Variants in RPAIN observed in about 807,000 individuals in gnomAD.
The protein encoded by RPAIN is RPA interacting protein.
RPAIN carries 29 observed loss-of-function variants against 30.5 expected under a neutral mutation model. That is an observed-to-expected ratio of 0.95 (90% CI 0.71 to 1.30). The LOEUF (loss-of-function observed/expected upper bound fraction) is 1.30, where lower values mean the gene tolerates loss of function less well. Among genes scored for constraint, RPAIN ranks in the 50% most tolerant of loss-of-function variants. RPAIN has a pLI of 0.00. For missense variants in RPAIN, 247 were observed against 264.7 expected (o/e 0.93, Z 0.46); for synonymous variants, 101 against 93.5 (o/e 1.08, Z -0.46).
chr17:5,420,443 A>T (rs1393003905), intron 1 of RPAIN, 152 bp downstream of exon 1: 2 of 644,840 alleles, frequency 3.1e-6, no homozygotes, highest in Non-Finnish European at 5.3e-6. Flanking sequence ...GTGTGGGATT[A>T]GCCCGGGTCG....
At chr17:5,427,985 T>G in intron 5 of RPAIN, 86 bp from the exon 6 acceptor site, 5 of 1,320,432 alleles carry the variant, frequency 3.8e-6, no homozygotes, top group Non-Finnish European at 5.5e-6. Flanking sequence ...TGAGCCACGG[T>G]TATATTGGTT....
intron 1 of RPAIN, 68 bp from the exon 2 acceptor site, chr17:5,421,228 A>G (rs1914769204): frequency 6.8e-7 from 1 of 1,470,916 alleles, no homozygotes; most frequent in Non-Finnish European, 9.2e-7. Flanking sequence ...TTCTCAACTA[A>G]TGTAAGAGTG....
At chr17:5,429,813 A>G (rs1915732035) in intron 6 of RPAIN, 5 of 955,512 alleles carry the variant, frequency 5.2e-6, no homozygotes, top group Non-Finnish European at 6.2e-6. Flanking sequence ...CATTTGCACA[A>G]ATATTTACCA....
At chr17:5,422,744 C>T in intron 2 of RPAIN, 25 bp from the exon 3 acceptor site, 1 of 1,610,542 alleles carries the variant, frequency 6.2e-7, no homozygotes, top group Non-Finnish European at 8.5e-7. Context: ...CTTCAAACTT[C>T]TGATGCCGCT....
intron 5 of RPAIN, 121 bp downstream of exon 5, chr17:5,426,420 G>C: frequency 1.1e-6 from 1 of 885,266 alleles, no homozygotes; most frequent in Non-Finnish European, 1.9e-6. Flanking sequence ...TATGTTCAGT[G>C]GTGTCACATT....
chr17:5,431,885 A>G lies in RPAIN; in HGVS notation c.631-657A>G, dbSNP rs910526716. On this transcript the variant is annotated intron_variant, in intron 6 of 6. Transcript: ENST00000381209. ...AAACAAGAGTAACCCACTTATGCCT[A>G]CTGTTTAATTATTGGAACGCTAAGC... 6.5e-5 allele frequency: 21 copies of G among 324,876 alleles called. No homozygotes were observed. The Admixed American group carries it at 8.9e-4, about 14-fold the overall frequency. The allele number at this position is 324,876 out of a possible 1,614,324, so 20.1% of individuals were successfully genotyped here.
intron 3 of RPAIN, among the ~76,000 whole-genome samples, chr17:5,424,819 C>A (rs1397368384): frequency 1.3e-5 from 2 of 152,294 alleles, no homozygotes; most frequent in East Asian, 3.9e-4. Flanking sequence ...CTGTAAATTC[C>A]TTAAGTTATC....
chr17:5,426,824 A>G (rs1006062853), intron 5 of RPAIN: 1 of 149,972 alleles, frequency 6.7e-6, no homozygotes, highest in Admixed American at 6.7e-5. Flanking sequence ...TTTTATTTTT[A>G]GTAGAGATGG....
chr17:5,428,336 T>C (rs1456693566), intron 6 of RPAIN, 125 bp downstream of exon 6: 11 of 1,547,964 alleles, frequency 7.1e-6, no homozygotes, highest in African/African-American at 1.4e-5. Flanking sequence ...CTGAGGAATT[T>C]ACCTGCATAG....
rs567133888 is a variant in RPAIN at position 5,424,960 on chromosome 17, TTGTGC to T, written c.314-1007_314-1003del. Among the ~76,000 whole-genome samples, 15 of 152,372 alleles carry T rather than the reference TTGTGC, an allele frequency of 9.8e-5. No homozygotes were observed. In the South Asian group the frequency reaches 2.9e-3, roughly 29 times the overall value. On this transcript the variant is annotated intron_variant, in intron 3 of 6. Coordinates refer to ENST00000381209, the MANE Select transcript of RPAIN (RefSeq NM_001033002.4). Reference sequence around the variant, plus strand: ...TCTGAAGTGACAAGGATTTACTGTGTTGTGCTGTACTCAGCCATAAGGAACATTCT... The same window carrying T: ...TCTGAAGTGACAAGGATTTACTGTGTTGTACTCAGCCATAAGGAACATTCT...
intron 6 of RPAIN, chr17:5,431,664 C>T: frequency 2.2e-6 from 1 of 456,282 alleles, no homozygotes; most frequent in South Asian, 1.6e-5. Flanking sequence ...TAGGGACGCT[C>T]AGGACAGATG....
intron 6 of RPAIN, chr17:5,432,314 C>T: frequency 2.0e-6 from 1 of 504,888 alleles, no homozygotes; most frequent in Non-Finnish European, 3.5e-6. Flanking sequence ...AGCTTGAAGA[C>T]TATTGATGCT....
At position 5,432,636 on chromosome 17, in the gene RPAIN, T is replaced by G; in HGVS notation, c.*65T>G. On this transcript the variant is annotated 3_prime_UTR_variant, in exon 7 of 7. Coordinates refer to ENST00000381209, the MANE Select transcript of RPAIN (RefSeq NM_001033002.4). ...AACTCATTCCCTCTGAGGAGCCTTG[T>G]ACATACAAGCCTTTTATTTATAACT... is the stretch of plus-strand genomic sequence containing the variant. 7.2e-7 allele frequency: 1 copy of G among 1,392,418 alleles called. No homozygotes were observed. The highest frequency in any genetic ancestry group is 1.0e-6 in the Non-Finnish European group (1 of 983,622). The allele number at this position is 1,392,418 out of a possible 1,614,324, so 86.3% of individuals were successfully genotyped here.
chr17:5,424,581 C>G (rs2151663365), intron 3 of RPAIN, among the ~76,000 whole-genome samples: 1 of 152,332 alleles, frequency 6.6e-6, no homozygotes, highest in South Asian at 2.1e-4. Flanking sequence ...GAGGCAAGAG[C>G]ACAAGCTCTT....
rs1008688027 is a variant in RPAIN, at chr17:5,429,054, TA to T, written c.630+853del. The T allele has an allele frequency of 1.6e-3, 1,317 of 801,660 alleles. 1 individual carries two copies. The East Asian group carries it at 0.017, about 10-fold the overall frequency. The allele number at this position is 801,660 out of a possible 1,614,324, so 49.7% of individuals were successfully genotyped here. On this transcript the variant is annotated intron_variant, in intron 6 of 6. Transcript: ENST00000381209. ...TTCCATAGGTATTCTACTCATTCAT[TA>T]AAAAAAAAATGAATTGAGGACTCAT...
intron 3 of RPAIN, among the ~76,000 whole-genome samples, chr17:5,423,859 C>T (rs1014434412): frequency 1.5e-4 from 23 of 152,058 alleles, no homozygotes; most frequent in African/African-American, 5.5e-4. Flanking sequence ...CTTAAGCGAT[C>T]TTCCCACCTC....
At chr17:5,425,443 C>T (rs994005582) in intron 3 of RPAIN, 4 of 425,166 alleles carry the variant, frequency 9.4e-6, no homozygotes, top group African/African-American at 8.2e-5. Flanking sequence ...TCAAGTGATT[C>T]TTCTGCCTCA....
At chr17:5,429,160 C>A in intron 6 of RPAIN, 6 of 985,416 alleles carry the variant, frequency 6.1e-6, no homozygotes, top group Non-Finnish European at 7.2e-6. Context: ...AGGCAGTACC[C>A]TGGAGAGCTG....
At chr17:5,429,058 A>G in intron 6 of RPAIN, 2 of 984,936 alleles carry the variant, frequency 2.0e-6, no homozygotes, top group Non-Finnish European at 2.4e-6. Flanking sequence ...ATTCATTAAA[A>G]AAAAAATGAA....
Sources: gnomAD v4.1 joint callset for allele counts (sites outside exome capture counted in the v4.1 genomes callset) on GRCh38, gnomAD v4.1.1 for gene constraint, MANE v1.5 for transcripts, NCBI Gene and HGNC (gene_info 2026-07-23, HGNC 2026-07-21) for gene names.